Variants in ZBTB7C observed in about 807,000 individuals in gnomAD.
ZBTB7C encodes zinc finger and BTB domain-containing protein 7C.
ZBTB7C carries 8 observed loss-of-function variants against 25.7 expected under a neutral mutation model. The observed-to-expected ratio is 0.31, with a 90% CI of 0.18 to 0.56. The LOEUF (loss-of-function observed/expected upper bound fraction) is 0.56. Ranked by LOEUF, ZBTB7C falls within the 20% of genes least tolerant of loss-of-function variation. The pLI, the probability that ZBTB7C is intolerant of heterozygous loss-of-function variation, is 0.91. For synonymous variants in ZBTB7C, 394 were observed against 369.0 expected (o/e 1.07, Z -0.78); for missense variants, 824 against 855.2 (o/e 0.96, Z 0.46).
chr18:48,286,236 G>A (rs1318217541), intron 2 of ZBTB7C, among the ~76,000 whole-genome samples: 1 of 83,982 alleles, frequency 1.2e-5, no homozygotes, highest in Non-Finnish European at 2.4e-5. Flanking sequence ...AGGTGTGCGT[G>A]TGTGTGTGTG....
At chr18:48,032,147 T>C (rs370749530) in intron 4 of ZBTB7C, among the ~76,000 whole-genome samples, 136 of 152,260 alleles carry the variant, frequency 8.9e-4, no homozygotes, top group African/African-American at 3.2e-3. Context: ...AGAGTCTCAC[T>C]CTGTTGCCCA....
intron 2 of ZBTB7C, among the ~76,000 whole-genome samples, chr18:48,195,219 C>A (rs1304908223): frequency 6.6e-6 from 1 of 152,094 alleles, no homozygotes; most frequent in Non-Finnish European, 1.5e-5. Context: ...TAAATTGTTT[C>A]TATTATTATT....
intron 2 of ZBTB7C, among the ~76,000 whole-genome samples, chr18:48,191,138 G>A (rs574424486): frequency 5.3e-5 from 8 of 152,324 alleles, no homozygotes; most frequent in Middle Eastern, 3.4e-3. Context: ...CCACCTTGCA[G>A]AGGTGGGAGG....
At chr18:48,286,233 C>CGTGTGT (rs59121430) in intron 2 of ZBTB7C, among the ~76,000 whole-genome samples, 5,177 of 145,532 alleles carry the variant, frequency 0.036, 162 homozygotes, top group African/African-American at 0.077. Flanking sequence ...AAGAGGTGTG[C>CGTGTGT]GTGTGTGTGT....
rs34753129 is a variant in ZBTB7C at position 48,367,371 on chromosome 18, T to TATATATATATATATAA, written c.-303-28974_-303-28973insTTATATATATATATAT. ...GCATATATATATATATATATATATATAAAATACAAACAGAAGACTCTAAAA... is the reference window on the plus strand; with the variant it reads ...GCATATATATATATATATATATATATATATATATATATATAAAAAATACAAACAGAAGACTCTAAAA... On this transcript the variant is annotated intron_variant, in intron 1 of 4. Transcript: ENST00000590800. Among the ~76,000 whole-genome samples, 8 of 113,406 alleles carry TATATATATATATATAA rather than the reference T, an allele frequency of 7.1e-5. No individual in the cohort carries two copies. The East Asian group carries it at 1.1e-3, about 16-fold the overall frequency. 74.4% of individuals were successfully genotyped at this position (113,406 alleles called of 152,430 possible).
chr18:48,064,509 G>A (rs770148952), intron 3 of ZBTB7C, among the ~76,000 whole-genome samples: 13 of 152,200 alleles, frequency 8.5e-5, no homozygotes, highest in Admixed American at 6.5e-5. Flanking sequence ...TTGGGAGGCC[G>A]AGGCGGGTGG....
At chr18:48,185,541 T>G (rs1599057862) in intron 3 of ZBTB7C, 1 of 271,308 alleles carries the variant, frequency 3.7e-6, no homozygotes, top group East Asian at 1.1e-4. Flanking sequence ...ATGGCCTCTA[T>G]GAGAATTTAC....
At chr18:48,329,279 G>T (rs1046263297) in intron 2 of ZBTB7C, among the ~76,000 whole-genome samples, 4 of 152,162 alleles carry the variant, frequency 2.6e-5, no homozygotes, top group Non-Finnish European at 5.9e-5. Flanking sequence ...ACTTTACAAC[G>T]CAGAAAGGCT....
At chr18:48,306,133 A>G (rs1568365639) in intron 2 of ZBTB7C, among the ~76,000 whole-genome samples, 1 of 152,200 alleles carries the variant, frequency 6.6e-6, no homozygotes, top group Non-Finnish European at 1.5e-5. Context: ...TCAAAATCAC[A>G]TTTTAGCAAG....
intron 2 of ZBTB7C, among the ~76,000 whole-genome samples, chr18:48,333,140 G>A (rs181505566): frequency 1.3e-5 from 2 of 152,078 alleles, no homozygotes; most frequent in Admixed American, 6.5e-5. Flanking sequence ...TTTTAGTCGG[G>A]TACTATTTTT....
Position 48,079,740 on chromosome 18 carries a change from C to G in ZBTB7C, c.-16-38617G>C, listed in dbSNP as rs530330265. Among the ~76,000 whole-genome samples, 146 of 152,368 alleles carry G rather than the reference C, an allele frequency of 9.6e-4. 1 individual carries two copies. Among genetic ancestry groups the G allele is most frequent in the African/African-American group, 3.2e-3 (134 of 41,584 alleles). On this transcript the variant is annotated intron_variant, in intron 3 of 4. Coordinates refer to ENST00000590800, the MANE Select transcript of ZBTB7C (RefSeq NM_001318841.2). ...GGTGGGCTCCAGCCCGCTGGAAAGG[C>G]CTTGGCTCTTGCAGTTCTGCCATTC... is the stretch of plus-strand genomic sequence containing the variant.
At chr18:48,401,055 T>C (rs2145311664) in intron 1 of ZBTB7C, among the ~76,000 whole-genome samples, 1 of 152,318 alleles carries the variant, frequency 6.6e-6, no homozygotes, top group South Asian at 2.1e-4. Context: ...GCATCTCTCC[T>C]TCCGTTCAAG....
rs373331941 is a variant in ZBTB7C, at chr18:48,110,250, G to C, written c.-16-69127C>G. 2.8e-4 allele frequency among the ~76,000 whole-genome samples: 42 copies of C among 152,200 alleles called. 3 individuals carry two copies. The highest frequency in any genetic ancestry group is 1.6e-3 in the Admixed American group (25 of 15,288). ...TCCATACCACACTGATCCGAGGGTG[G>C]CACACCCTCAGTAAGGACGCCGTGC... On this transcript the variant is annotated intron_variant, in intron 3 of 4. Coordinates refer to ENST00000590800, the MANE Select transcript of ZBTB7C (RefSeq NM_001318841.2).
intron 1 of ZBTB7C, among the ~76,000 whole-genome samples, chr18:48,362,633 G>A (rs2047135087): frequency 6.6e-6 from 1 of 152,154 alleles, no homozygotes; most frequent in Admixed American, 6.5e-5. Context: ...TATTATAGCA[G>A]CCTAAACTGG....
chr18:48,396,517 G>C (rs1417708456), intron 1 of ZBTB7C, among the ~76,000 whole-genome samples: 1 of 152,184 alleles, frequency 6.6e-6, no homozygotes, highest in Admixed American at 6.5e-5. Flanking sequence ...ACATAGGAGG[G>C]CTTTTTTTGT....
chr18:48,072,045 C>T (rs1417285685), intron 3 of ZBTB7C, among the ~76,000 whole-genome samples: 1 of 152,228 alleles, frequency 6.6e-6, no homozygotes, highest in South Asian at 2.1e-4. Flanking sequence ...TGTGAATACA[C>T]TTACTGTTAC....
chr18:48,312,769 G>T (rs1432216243), intron 2 of ZBTB7C, among the ~76,000 whole-genome samples: 5 of 152,202 alleles, frequency 3.3e-5, no homozygotes, highest in Non-Finnish European at 2.9e-5. Flanking sequence ...CCAGGCTTCT[G>T]AAACAGTGTC....
chr18:48,203,557 C>T (rs2042507051), intron 2 of ZBTB7C: 1 of 152,246 alleles, frequency 6.6e-6, no homozygotes, highest in African/African-American at 2.4e-5. Flanking sequence ...ACAACAGGGA[C>T]AGCGGCCCCA....
chr18:48,125,980 T>C lies in ZBTB7C; in HGVS notation c.-17+59954A>G, dbSNP rs543031939. Among the ~76,000 whole-genome samples the C allele has an allele frequency of 6.6e-5, 10 of 152,306 alleles. No homozygotes were observed. In the South Asian group the frequency reaches 1.0e-3, roughly 16 times the overall value. On this transcript the variant is annotated intron_variant, in intron 3 of 4. Transcript: ENST00000590800. Reference sequence around the variant, plus strand: ...GCTGGCATGCTGGCGGCAGGGTCAGTAGAGAAGCACTGCGCACCGTGCAGT... The same window carrying C: ...GCTGGCATGCTGGCGGCAGGGTCAGCAGAGAAGCACTGCGCACCGTGCAGT...
Sources: gnomAD v4.1 joint callset for allele counts (sites outside exome capture counted in the v4.1 genomes callset) on GRCh38, gnomAD v4.1.1 for gene constraint, MANE v1.5 for transcripts, NCBI Gene and HGNC (gene_info 2026-07-23, HGNC 2026-07-21) for gene names.